DOK6: variants seen among roughly 807,000 people sequenced by gnomAD.
DOK6 encodes the protein downstream of tyrosine kinase 6.
Under a neutral mutation model 44.0 loss-of-function variants are expected in DOK6, and 22 were observed. The ratio of observed to expected loss-of-function variants is 0.50; its 90% CI spans 0.36 to 0.71. The LOEUF (loss-of-function observed/expected upper bound fraction) is 0.71, where lower values mean the gene tolerates loss of function less well. Ranked by LOEUF, DOK6 falls within the 30% of genes least tolerant of loss-of-function variation. The probability of loss-of-function intolerance (pLI) is 0.00; values close to 1 mark genes in which losing one functional copy is unlikely to be tolerated. For synonymous variants in DOK6, 166 were observed against 145.5 expected (o/e 1.14, Z -1.01); for missense variants, 340 against 416.4 (o/e 0.82, Z 1.60).
intron 7 of DOK6, among the ~76,000 whole-genome samples, chr18:69,797,393 T>C: frequency 6.6e-6 from 1 of 152,090 alleles, no homozygotes; most frequent in Non-Finnish European, 1.5e-5. Flanking sequence ...GAAGTTAACA[T>C]CTTGAGATTA....
At chr18:69,532,033 C>T (rs1982000150) in intron 1 of DOK6, among the ~76,000 whole-genome samples, 1 of 152,112 alleles carries the variant, frequency 6.6e-6, no homozygotes, top group Non-Finnish European at 1.5e-5. Context: ...TTCTCTCCAC[C>T]ACGTGAGGAC....
intron 1 of DOK6, among the ~76,000 whole-genome samples, chr18:69,478,260 T>C (rs1980322736): frequency 6.6e-6 from 1 of 152,166 alleles, no homozygotes; most frequent in Non-Finnish European, 1.5e-5. Context: ...CAGTCTTATT[T>C]TAGCATAGGG....
chr18:69,517,915 T>C (rs1408879902), intron 1 of DOK6, among the ~76,000 whole-genome samples: 1 of 152,120 alleles, frequency 6.6e-6, no homozygotes, highest in Non-Finnish European at 1.5e-5. Context: ...CTACATCAAC[T>C]TTCACACATT....
At position 69,524,050 on chromosome 18, in the gene DOK6, G is replaced by A. The variant is rs543549920; in HGVS notation, c.67-40437G>A. Among the ~76,000 whole-genome samples the A allele has an allele frequency of 1.2e-4, 19 of 152,138 alleles. No homozygotes were observed. In the South Asian group the frequency reaches 3.5e-3, roughly 28 times the overall value. ...GAGTTATGTCTAAAACTGTACAGGT[G>A]CAGAACCAATTCTATTACAGGAGAT... is the stretch of plus-strand genomic sequence containing the variant. On this transcript the variant is annotated intron_variant, in intron 1 of 7. Coordinates refer to ENST00000382713, the MANE Select transcript of DOK6 (RefSeq NM_152721.6).
rs561995173 is a variant in DOK6 at position 69,584,870 on chromosome 18, G to A, written c.175-14514G>A. On this transcript the variant is annotated intron_variant, in intron 2 of 7. Coordinates refer to ENST00000382713, the MANE Select transcript of DOK6 (RefSeq NM_152721.6). ...TTTTTAAGTTAATTAATATATAGTTGTTTAGAAGCTGTTTATTACTATTTG... is the reference window on the plus strand; with the variant it reads ...TTTTTAAGTTAATTAATATATAGTTATTTAGAAGCTGTTTATTACTATTTG... Among the ~76,000 whole-genome samples, 4 of 151,786 alleles carry A rather than the reference G, an allele frequency of 2.6e-5. No individual in the cohort carries two copies. In the East Asian group the frequency reaches 7.7e-4, roughly 29 times the overall value.
intron 3 of DOK6, among the ~76,000 whole-genome samples, chr18:69,644,717 G>A (rs1255310419): frequency 1.3e-5 from 2 of 152,146 alleles, no homozygotes; most frequent in Non-Finnish European, 2.9e-5. Flanking sequence ...TCTTTGTCAA[G>A]AGTGTTTTAG....
chr18:69,460,027 G>T (rs77284534), intron 1 of DOK6, among the ~76,000 whole-genome samples: 1 of 152,034 alleles, frequency 6.6e-6, no homozygotes, highest in East Asian at 1.9e-4. Context: ...TACTTAAATT[G>T]TTCCAAATGT....
chr18:69,783,492 T>C (rs1339494213), intron 7 of DOK6, among the ~76,000 whole-genome samples: 2 of 152,196 alleles, frequency 1.3e-5, no homozygotes, highest in African/African-American at 4.8e-5. Context: ...AACGTTACAT[T>C]GGTGTTTTAT....
intron 1 of DOK6, among the ~76,000 whole-genome samples, chr18:69,519,017 G>T (rs1981615841): frequency 6.6e-6 from 1 of 151,996 alleles, no homozygotes; most frequent in Admixed American, 6.6e-5. Context: ...TGTGTTTCAT[G>T]TCAATTGCAA....
At chr18:69,698,666 A>G in intron 5 of DOK6, 73 bp downstream of exon 5, 1 of 1,460,790 alleles carries the variant, frequency 6.8e-7, no homozygotes, top group Non-Finnish European at 9.2e-7. Context: ...GTCCTGAAAG[A>G]GAGTGCTGTC....
chr18:69,509,004 G>C (rs1043189468), intron 1 of DOK6, among the ~76,000 whole-genome samples: 1 of 152,128 alleles, frequency 6.6e-6, no homozygotes, highest in Admixed American at 6.5e-5. Context: ...CTAAGGTATA[G>C]ATAGAACAAT....
intron 4 of DOK6, among the ~76,000 whole-genome samples, chr18:69,690,866 G>T (rs943449618): frequency 1.3e-5 from 2 of 152,040 alleles, no homozygotes; most frequent in African/African-American, 4.8e-5. Flanking sequence ...TGTTTTAATT[G>T]GTATGTAAAA....
intron 7 of DOK6, among the ~76,000 whole-genome samples, chr18:69,800,869 C>A (rs911634213): frequency 6.6e-6 from 1 of 152,080 alleles, no homozygotes; most frequent in Non-Finnish European, 1.5e-5. Context: ...TGAAATATTT[C>A]TTTAATGATT....
chr18:69,480,312 T>C (rs1980382805), intron 1 of DOK6, among the ~76,000 whole-genome samples: 1 of 152,106 alleles, frequency 6.6e-6, no homozygotes, highest in Admixed American at 6.6e-5. Flanking sequence ...CATCTAACTT[T>C]TGAGATGAAA....
intron 3 of DOK6, among the ~76,000 whole-genome samples, chr18:69,609,600 T>C (rs1267040611): frequency 1.3e-5 from 2 of 152,188 alleles, no homozygotes; most frequent in Non-Finnish European, 2.9e-5. Context: ...GCAGCTTTTA[T>C]GGAAAACAAT....
intron 6 of DOK6, among the ~76,000 whole-genome samples, chr18:69,740,322 T>A (rs1978760179): frequency 6.6e-6 from 1 of 152,174 alleles, no homozygotes; most frequent in Admixed American, 6.6e-5. Flanking sequence ...GCGATTAAAA[T>A]CAAGTGGAAA....
intron 7 of DOK6, among the ~76,000 whole-genome samples, chr18:69,825,241 A>G (rs981562918): frequency 3.9e-5 from 6 of 152,096 alleles, no homozygotes; most frequent in Non-Finnish European, 7.4e-5. Flanking sequence ...AATTTATGTG[A>G]CTTACCAATT....
At chr18:69,727,943 A>G (rs1978318624) in intron 5 of DOK6, among the ~76,000 whole-genome samples, 1 of 152,212 alleles carries the variant, frequency 6.6e-6, no homozygotes. Flanking sequence ...ACACACAAAA[A>G]TCTTACATGA....
intron 1 of DOK6, among the ~76,000 whole-genome samples, chr18:69,459,173 C>CA (rs1185204758): frequency 2.5e-4 from 24 of 96,220 alleles, no homozygotes; most frequent in Middle Eastern, 7.2e-3. Flanking sequence ...TGAGAAATCT[C>CA]AAAAAAAAAT....
Sources: gnomAD v4.1 joint callset for allele counts (sites outside exome capture counted in the v4.1 genomes callset) on GRCh38, gnomAD v4.1.1 for gene constraint, MANE v1.5 for transcripts, NCBI Gene and HGNC (gene_info 2026-07-23, HGNC 2026-07-21) for gene names.